CREB1: variants seen among roughly 807,000 people sequenced by gnomAD.
CREB1 encodes the protein cAMP responsive element binding protein 1.
In CREB1, 2 loss-of-function variants were observed where a neutral mutation model predicts 42.0. That is an observed-to-expected ratio of 0.05 (90% CI 0.02 to 0.15). The LOEUF (loss-of-function observed/expected upper bound fraction) is 0.15. CREB1 is among the 10% of genes least tolerant of loss of function. The pLI is 1.00. For missense variants in CREB1, 199 were observed against 388.9 expected, an observed-to-expected ratio of 0.51 and a Z score of 4.11; for synonymous variants, 123 against 139.9, an observed-to-expected ratio of 0.88 and a Z score of 0.85.
rs565017740 is a variant in CREB1 at position 207,543,986 on chromosome 2, C to T, written c.-8-11642C>T. Reference sequence around the variant, plus strand: ...GCAGGCTGGAGTGCAGTGGCACCATCTCAGCTCACTGCAAGCTCTGCCTCC... The same window carrying T: ...GCAGGCTGGAGTGCAGTGGCACCATTTCAGCTCACTGCAAGCTCTGCCTCC... On this transcript the variant is annotated intron_variant, in intron 1 of 7. Transcript: ENST00000353267. Among the ~76,000 whole-genome samples, 323 of 152,172 alleles carry T rather than the reference C, an allele frequency of 2.1e-3. 2 individuals carry two copies. Among genetic ancestry groups the T allele is most frequent in the Non-Finnish European group, 3.3e-3 (223 of 68,020 alleles).
At chr2:207,574,603 T>C (rs756316277) in intron 5 of CREB1, among the ~76,000 whole-genome samples, 53 of 152,192 alleles carry the variant, frequency 3.5e-4, no homozygotes, top group Non-Finnish European at 6.9e-4. Flanking sequence ...TGCTTGGATA[T>C]GTATTAAATA....
chr2:207,531,486 T>C (rs2080627483), intron 1 of CREB1, among the ~76,000 whole-genome samples: 1 of 152,246 alleles, frequency 6.6e-6, no homozygotes, highest in Admixed American at 6.5e-5. Flanking sequence ...CATTAAAAAT[T>C]AAAAGACAGT....
intron 1 of CREB1, among the ~76,000 whole-genome samples, chr2:207,540,233 T>C (rs185287995): frequency 1.3e-5 from 2 of 152,326 alleles, no homozygotes; most frequent in South Asian, 2.1e-4. Flanking sequence ...ATGCATGTGA[T>C]TGCCCCTTGA....
intron 4 of CREB1, chr2:207,568,126 G>T (rs966037966): frequency 6.6e-6 from 1 of 152,014 alleles, no homozygotes; most frequent in South Asian, 2.1e-4. Context: ...TTCAGGAAGG[G>T]CAGTTCCATA....
chr2:207,574,428 T>G (rs1360618910), intron 5 of CREB1, among the ~76,000 whole-genome samples: 1 of 152,214 alleles, frequency 6.6e-6, no homozygotes, highest in Non-Finnish European at 1.5e-5. Flanking sequence ...AATCATCTAA[T>G]TTTTAAATTA....
intron 2 of CREB1, among the ~76,000 whole-genome samples, chr2:207,557,526 A>C (rs943523952): frequency 6.6e-6 from 1 of 152,046 alleles, no homozygotes; most frequent in African/African-American, 2.4e-5. Flanking sequence ...CTAAAAATAC[A>C]AAAAAATTAG....
At position 207,575,551 on chromosome 2, in the gene CREB1, AT is replaced by A. The variant is rs1224364729; in HGVS notation, c.688+99del. The A allele has an allele frequency of 4.9e-6, 5 of 1,020,598 alleles. 1 individual carries two copies. Among genetic ancestry groups the A allele is most frequent in the Non-Finnish European group, 7.1e-6 (5 of 708,708 alleles). 63.2% of individuals were successfully genotyped at this position (1,020,598 alleles called of 1,614,324 possible). The stretch of plus-strand genomic sequence containing the variant: ...AGTAAGTATCATATTGCAAACCACC[AT>A]TCAAATGTAGTTAACATTTCTTCAA... On this transcript the variant is annotated intron_variant, in intron 6 of 7. Coordinates refer to ENST00000353267, the MANE Select transcript of CREB1 (RefSeq NM_004379.5).
chr2:207,575,374 C>T lies in CREB1; in HGVS notation c.608C>T (p.Pro203Leu). ...ATGACCAATGCAGCAGCCACTCAGC[C>T]GGGTACTACCATTCTACAGTATGCA... ...LTMTNAAATQPGTTILQYAQT... is the reference protein window; with the variant it reads ...LTMTNAAATQLGTTILQYAQT... The change falls in exon 6 of 8, where the codon CCG becomes CTG. Residue 203 changes from proline to leucine, a missense_variant. Physicochemically the swap from Pro to Leu is moderately conservative, Grantham distance 98. Transcript: ENST00000353267. 1.2e-6 allele frequency: 2 copies of T among 1,614,100 alleles called. No individual in the cohort carries two copies. Among genetic ancestry groups the T allele is most frequent in the Non-Finnish European group, 1.7e-6 (2 of 1,180,006 alleles).
rs551316889 is a variant in CREB1, at chr2:207,567,772, TTTTCTG to T, written c.362+223_362+228del. The stretch of plus-strand genomic sequence containing the variant: ...ACTCTCACCAGTCCTAATTTTTTTT[TTTTCTG>T]TTTCTGTTTCTGTAGACTGTGCTGG... On this transcript the variant is annotated intron_variant, in intron 4 of 7. Transcript: ENST00000353267. 1.6e-3 allele frequency: 558 copies of T among 348,572 alleles called. 6 individuals are homozygous for T. Among genetic ancestry groups the T allele is most frequent in the African/African-American group, 0.01 (501 of 47,820 alleles). The allele number at this position is 348,572 out of a possible 1,614,324, so 21.6% of individuals were successfully genotyped here.
At chr2:207,537,627 T>C (rs1298477827) in intron 1 of CREB1, among the ~76,000 whole-genome samples, 1 of 152,212 alleles carries the variant, frequency 6.6e-6, no homozygotes, top group Non-Finnish European at 1.5e-5. Context: ...AAGTTGTAAG[T>C]AGAAGGTGTG....
chr2:207,538,254 G>A (rs909908338), intron 1 of CREB1, among the ~76,000 whole-genome samples: 4 of 151,828 alleles, frequency 2.6e-5, no homozygotes, highest in Non-Finnish European at 5.9e-5. Flanking sequence ...GTATTCTGGC[G>A]TTTATTCCAA....
At chr2:207,560,762 C>T (rs991636846) in intron 3 of CREB1, among the ~76,000 whole-genome samples, 1 of 152,130 alleles carries the variant, frequency 6.6e-6, no homozygotes, top group Non-Finnish European at 1.5e-5. Flanking sequence ...AAATTAATAA[C>T]CTTACCTAAG....
intron 7 of CREB1, among the ~76,000 whole-genome samples, chr2:207,587,218 T>G (rs757252324): frequency 6.6e-6 from 1 of 151,670 alleles, no homozygotes; most frequent in Non-Finnish European, 1.5e-5. Flanking sequence ...ACGGTGAAAC[T>G]CCTTCTTTAC....
intron 7 of CREB1, 148 bp downstream of exon 7, chr2:207,577,803 T>A (rs2082654007): frequency 4.4e-6 from 4 of 915,882 alleles, no homozygotes; most frequent in Non-Finnish European, 6.7e-6. Flanking sequence ...TAAATTTTCT[T>A]TATTTAATAA....
chr2:207,532,383 G>A (rs1007376559), intron 1 of CREB1, among the ~76,000 whole-genome samples: 7 of 151,132 alleles, frequency 4.6e-5, no homozygotes, highest in Non-Finnish European at 7.4e-5. Flanking sequence ...TTAAAAAATT[G>A]TTCACTGATG....
intron 5 of CREB1, chr2:207,571,657 A>G (rs2082369324): frequency 4.6e-6 from 2 of 437,746 alleles, no homozygotes; most frequent in Non-Finnish European, 9.2e-6. Context: ...TTGAAGCCTC[A>G]TACCAGATGC....
chr2:207,566,874 C>T (rs2082160542), intron 3 of CREB1, among the ~76,000 whole-genome samples: 1 of 152,102 alleles, frequency 6.6e-6, no homozygotes, highest in African/African-American at 2.4e-5. Flanking sequence ...CATTACTTTT[C>T]AGTCTAGGTA....
intron 1 of CREB1, among the ~76,000 whole-genome samples, chr2:207,545,008 A>G (rs2081243256): frequency 6.6e-6 from 1 of 152,166 alleles, no homozygotes; most frequent in African/African-American, 2.4e-5. Context: ...TATTGTGAAT[A>G]GTGCTGCAGT....
rs776452447 is a variant in CREB1, at chr2:207,577,666, T to C, written c.839+11T>C. On this transcript the variant is annotated intron_variant, in intron 7 of 7. Coordinates refer to ENST00000353267, the MANE Select transcript of CREB1 (RefSeq NM_004379.5). The stretch of plus-strand genomic sequence containing the variant: ...TCTAATGAAGAACAGGTACAAATAC[T>C]GCATTTACTTAGATTGTTATGTGTT... The C allele has an allele frequency of 1.2e-6, 2 of 1,613,606 alleles. No homozygotes were observed. The highest frequency in any genetic ancestry group is 2.2e-5 in the East Asian group (1 of 44,872).
Sources: gnomAD v4.1 joint callset for allele counts (sites outside exome capture counted in the v4.1 genomes callset) on GRCh38, gnomAD v4.1.1 for gene constraint, MANE v1.5 for transcripts, NCBI Gene and HGNC (gene_info 2026-07-23, HGNC 2026-07-21) for gene names.